The following NRDE2 variants were observed in gnomAD, a reference collection of about 807,000 sequenced individuals.
The protein encoded by NRDE2 is NRDE-2, necessary for RNA interference, domain containing.
In NRDE2, 76 loss-of-function variants were observed where a neutral mutation model predicts 124.2. That is an observed-to-expected ratio of 0.61 (90% CI 0.51 to 0.74). The LOEUF is 0.74. NRDE2 is among the 30% of genes least tolerant of loss of function. NRDE2 has a pLI of 0.00. For missense variants in NRDE2, 1,314 were observed against 1,417.3 expected (o/e 0.93, Z 1.17); for synonymous variants, 489 against 528.1 (o/e 0.93, Z 1.01).
intron 4 of NRDE2, among the ~76,000 whole-genome samples, chr14:90,308,750 C>A (rs1013670329): frequency 3.4e-4 from 51 of 152,160 alleles, no homozygotes; most frequent in Admixed American, 3.3e-3. Flanking sequence ...AATAACAGAA[C>A]AATGAGTTGT....
At position 90,301,366 on chromosome 14, in the gene NRDE2, AAG is replaced by A. The variant is rs1555360648; in HGVS notation, c.1416_1417del (p.Phe473SerfsTer14). The A allele has an allele frequency of 5.6e-6, 9 of 1,613,878 alleles. No homozygotes were observed. Among genetic ancestry groups the A allele is most frequent in the Non-Finnish European group, 7.6e-6 (9 of 1,179,896 alleles). ...CCGCAGAAAGTGGCACTGCTGAAGA[AAG>A]AGTGCTGCGAACAGGAGGGCAAAGG... On this transcript the variant is annotated frameshift_variant, in exon 7 of 14. Coordinates refer to ENST00000354366, the MANE Select transcript of NRDE2 (RefSeq NM_017970.4). LOFTEE classifies it high-confidence loss of function.
chr14:90,300,418 C>G (rs1434744733), intron 7 of NRDE2, among the ~76,000 whole-genome samples: 1 of 152,122 alleles, frequency 6.6e-6, no homozygotes, highest in African/African-American at 2.4e-5. Context: ...AGGCCTTGGC[C>G]TCTCAAGAAA....
At chr14:90,286,727 A>G (rs929099930) in intron 11 of NRDE2, among the ~76,000 whole-genome samples, 1 of 152,192 alleles carries the variant, frequency 6.6e-6, no homozygotes, top group Non-Finnish European at 1.5e-5. Flanking sequence ...AAGTCACACA[A>G]AAACCCACTC....
At position 90,279,097 on chromosome 14, in the gene NRDE2, A is replaced by C; in HGVS notation, c.3334T>G (p.Phe1112Val). 1 of 1,612,854 alleles carries C rather than the reference A, an allele frequency of 6.2e-7. No homozygotes were observed. Among genetic ancestry groups the C allele is most frequent in the African/African-American group, 1.3e-5 (1 of 75,072 alleles). The change falls in exon 13 of 14, where the codon TTC becomes GTC. Residue 1112 changes from phenylalanine (F) to valine (V), a missense_variant. Physicochemically the swap from Phe to Val is conservative, Grantham distance 50. Coordinates refer to ENST00000354366, the MANE Select transcript of NRDE2 (RefSeq NM_017970.4). Reference protein sequence around the residue: ...LGNKERSKGVFYKALQNCPWA... With the variant: ...LGNKERSKGVVYKALQNCPWA... The stretch of plus-strand genomic sequence containing the variant: ...GGGCAATTCTGAAGTGCTTTGTAGA[A>C]TACACCTTTGCTTCTTTCTTTATTT...
chr14:90,278,386 G>C lies in NRDE2; in HGVS notation c.3445C>G (p.Leu1149Val), dbSNP rs748554252. ...EILDLMTEKE[L>V]RVRLPLEELE... ...TCCTCCAGCGGCAGGCGCACCCGGA[G>C]CTCCTTCTCAGTCATCAGGTCCAGG... Residue 1149 changes from leucine to valine, a missense_variant, in exon 14 of 14, where the codon CTC becomes GTC. Coordinates refer to ENST00000354366, the MANE Select transcript of NRDE2 (RefSeq NM_017970.4). 1.2e-6 allele frequency: 2 copies of C among 1,614,016 alleles called. No homozygotes were observed. Among genetic ancestry groups the C allele is most frequent in the African/African-American group, 2.7e-5 (2 of 74,922 alleles).
chr14:90,310,505 CTGTT>C (rs1354310193), intron 4 of NRDE2, among the ~76,000 whole-genome samples: 1 of 148,382 alleles, frequency 6.7e-6, no homozygotes, highest in African/African-American at 2.5e-5. Flanking sequence ...TGTCCAATCT[CTGTT>C]TGTTGACTGC....
In NRDE2 at chr14:90,288,292, G is replaced by T; in HGVS notation, c.3083C>A (p.Ala1028Asp). The T allele has an allele frequency of 1.2e-6, 2 of 1,614,176 alleles. No homozygotes were observed. Among genetic ancestry groups the T allele is most frequent in the Non-Finnish European group, 1.7e-6 (2 of 1,180,040 alleles). ...RRFFDTITRSAKPLEPWLFAI... is the reference protein window; with the variant it reads ...RRFFDTITRSDKPLEPWLFAI... ...AAACAACCAAGGCTCCAAGGGTTTGGCAGACCTGGTGATTGTGTCAAAAAA... is the reference window on the plus strand; with the variant it reads ...AAACAACCAAGGCTCCAAGGGTTTGTCAGACCTGGTGATTGTGTCAAAAAA... Residue 1028 changes from alanine to aspartate, a missense_variant, in exon 11 of 14, where the codon GCC (alanine) becomes GAC (aspartate). Coordinates refer to ENST00000354366, the MANE Select transcript of NRDE2 (RefSeq NM_017970.4).
At chr14:90,325,961 A>T (rs567868410) in intron 1 of NRDE2, among the ~76,000 whole-genome samples, 2 of 152,270 alleles carry the variant, frequency 1.3e-5, no homozygotes, top group Admixed American at 6.5e-5. Context: ...TCTTGCTAAC[A>T]CTATTTTACA....
intron 1 of NRDE2, among the ~76,000 whole-genome samples, chr14:90,321,938 C>G (rs1390822425): frequency 6.6e-6 from 1 of 152,136 alleles, no homozygotes; most frequent in African/African-American, 2.4e-5. Context: ...TCTGAGATGG[C>G]TCTTCAGAGC....
Position 90,278,186 on chromosome 14 carries a change from G to A in NRDE2, c.*150C>T, listed in dbSNP as rs909783924. ...TACACACCCAAAAAGTGTGCAAGAT[G>A]TGAGAGGCTGGCAGCCCACATTATT... On this transcript the variant is annotated 3_prime_UTR_variant, in exon 14 of 14. Transcript: ENST00000354366. 7.1e-6 allele frequency: 6 copies of A among 842,670 alleles called. No homozygotes were observed. Among genetic ancestry groups the A allele is most frequent in the Admixed American group, 5.3e-5 (2 of 37,904 alleles). The allele number at this position is 842,670 out of a possible 1,614,324, so 52.2% of individuals were successfully genotyped here. A position where few individuals can be genotyped will look rare whatever the true frequency, so the allele number is the denominator to read the frequency against.
rs113471256 is a variant in NRDE2 at position 90,327,493 on chromosome 14, G to C, written c.64+4348C>G. On this transcript the variant is annotated intron_variant, in intron 1 of 13. Transcript: ENST00000354366. ...GATCCCAGGAATTGGAGATTGTAGTGAGCTGTGATTGCGCCACTACACTCC... is the reference window on the plus strand; with the variant it reads ...GATCCCAGGAATTGGAGATTGTAGTCAGCTGTGATTGCGCCACTACACTCC... Among the ~76,000 whole-genome samples, 869 of 151,786 alleles carry C rather than the reference G, an allele frequency of 5.7e-3. 3 individuals are homozygous for C. The highest frequency in any genetic ancestry group is 8.9e-3 in the Non-Finnish European group (608 of 67,974).
intron 12 of NRDE2, among the ~76,000 whole-genome samples, chr14:90,282,490 C>CA (rs1402313115): frequency 2.1e-5 from 3 of 144,534 alleles, no homozygotes; most frequent in South Asian, 4.4e-4. Flanking sequence ...AAAAAAAAAA[C>CA]AAAAAAAACT....
At chr14:90,285,530 G>A (rs188039828) in intron 12 of NRDE2, among the ~76,000 whole-genome samples, 227 of 152,224 alleles carry the variant, frequency 1.5e-3, no homozygotes, top group African/African-American at 5.4e-3. Context: ...TCGAACTCCT[G>A]ACCTCAGGTG....
chr14:90,329,563 A>C (rs1040318766), intron 1 of NRDE2, among the ~76,000 whole-genome samples: 1 of 152,070 alleles, frequency 6.6e-6, no homozygotes, highest in Non-Finnish European at 1.5e-5. Context: ...TAGGCTGGGT[A>C]CGTTGGCTCA....
chr14:90,312,006 T>C (rs989000287), intron 4 of NRDE2, among the ~76,000 whole-genome samples: 6 of 152,190 alleles, frequency 3.9e-5, no homozygotes, highest in African/African-American at 9.7e-5. Context: ...ATTTTTTAAA[T>C]GACAGATGTG....
chr14:90,304,042 G>C lies in NRDE2; in HGVS notation c.898C>G (p.Pro300Ala), dbSNP rs755631303. 17 of 1,614,076 alleles carry C rather than the reference G, an allele frequency of 1.1e-5. No individual in the cohort carries two copies. Among genetic ancestry groups the C allele is most frequent in the Non-Finnish European group, 1.4e-5 (17 of 1,179,952 alleles). The change falls in exon 5 of 14, where the codon CCA (proline) becomes GCA (alanine). Residue 300 changes from proline (P) to alanine (A), a missense_variant. Physicochemically the swap from Pro to Ala is conservative, Grantham distance 27. Coordinates refer to ENST00000354366, the MANE Select transcript of NRDE2 (RefSeq NM_017970.4). Reference sequence around the variant, plus strand: ...TTGAGAGCCGCACTCTCGCTGTCTGGCTGTGCGTCTGGCTGCTTTGATTCC... The same window carrying C: ...TTGAGAGCCGCACTCTCGCTGTCTGCCTGTGCGTCTGGCTGCTTTGATTCC... ...EQESKQPDAQ[P>A]DSESAALKAK...
In NRDE2 at chr14:90,292,705, C is replaced by T; in HGVS notation, c.1834G>A (p.Glu612Lys). The change falls in exon 9 of 14, where the codon GAG becomes AAG. Residue 612 changes from glutamate to lysine, a missense_variant. Glu to Lys is a moderately conservative substitution (Grantham distance 56). Coordinates refer to ENST00000354366, the MANE Select transcript of NRDE2 (RefSeq NM_017970.4). The part of the protein sequence containing the change: ...KQTEEDCEDP[E>K]RQVLFDDIGQ... ...GGGCGGAGGATACATGCCTGTCTCT[C>T]GGGATCCTCACAGTCTTCCTCGGTT... The T allele has an allele frequency of 6.2e-7, 1 of 1,613,714 alleles. No homozygotes were observed. The highest frequency in any genetic ancestry group is 8.5e-7 in the Non-Finnish European group (1 of 1,179,636).
At chr14:90,321,381 T>C (rs928940279) in intron 1 of NRDE2, among the ~76,000 whole-genome samples, 10 of 151,704 alleles carry the variant, frequency 6.6e-5, no homozygotes, top group Non-Finnish European at 1.2e-4. Flanking sequence ...GAGGATACAA[T>C]TGAGGCTTTG....
At chr14:90,330,920 T>G (rs1885668612) in intron 1 of NRDE2, among the ~76,000 whole-genome samples, 1 of 152,000 alleles carries the variant, frequency 6.6e-6, no homozygotes. Context: ...GCACATAATT[T>G]AGAATTACTT....
Sources: gnomAD v4.1 joint callset for allele counts (sites outside exome capture counted in the v4.1 genomes callset) on GRCh38, gnomAD v4.1.1 for gene constraint, MANE v1.5 for transcripts, NCBI Gene and HGNC (gene_info 2026-07-23, HGNC 2026-07-21) for gene names.